Variants in HAPSTR1 observed in about 807,000 individuals in gnomAD.
HAPSTR1 encodes HUWE1-associated protein modifying stress responses 1.
At chr16:9,105,700 C>T in the HAPSTR1 span, 11 of 152,184 alleles carry the variant, frequency 7.2e-5, no homozygotes, top group Non-Finnish European at 1.5e-4. Context: ...ATATTATTTG[C>T]TTAGCCAAAT....
At chr16:9,097,173 C>T in the HAPSTR1 span, among the ~76,000 whole-genome samples, 1 of 151,782 alleles carries the variant, frequency 6.6e-6, no homozygotes, top group Non-Finnish European at 1.5e-5. Flanking sequence ...CTCCTGACCT[C>T]AGGTGATCCG....
chr16:9,095,807 G>GTGGT, the HAPSTR1 span, among the ~76,000 whole-genome samples: 1 of 152,192 alleles, frequency 6.6e-6, no homozygotes, highest in Non-Finnish European at 1.5e-5. Context: ...AATGGAGTGG[G>GTGGT]TGGTTACCTC....
the HAPSTR1 span, chr16:9,092,836 A>G: frequency 1.0e-5 from 14 of 1,367,562 alleles, no homozygotes; most frequent in East Asian, 2.5e-5. Context: ...TGACGCGCAA[A>G]TAACATTCTT....
At chr16:9,093,212 G>C in the HAPSTR1 span, among the ~76,000 whole-genome samples, 1 of 152,100 alleles carries the variant, frequency 6.6e-6, no homozygotes, top group South Asian at 2.1e-4. Flanking sequence ...GCAACGCCTG[G>C]GGACGTTTTT....
chr16:9,103,047 A>G, the HAPSTR1 span: 1 of 1,614,204 alleles, frequency 6.2e-7, no homozygotes, highest in Non-Finnish European at 8.5e-7. Context: ...CAGCGACGCA[A>G]TAAGGATGTG....
At chr16:9,113,603 T>G in the HAPSTR1 span, among the ~76,000 whole-genome samples, 3 of 152,346 alleles carry the variant, frequency 2.0e-5, no homozygotes, top group South Asian at 6.2e-4. Context: ...TTTGAAATGA[T>G]AAAGGGGATC....
At chr16:9,106,418 T>C in the HAPSTR1 span, 1 of 151,938 alleles carries the variant, frequency 6.6e-6, no homozygotes, top group Admixed American at 6.6e-5. Flanking sequence ...TAGCTGGGAT[T>C]GTAGGCGCCT....
the HAPSTR1 span, chr16:9,102,875 G>T: frequency 2.7e-6 from 3 of 1,106,754 alleles, no homozygotes; most frequent in Non-Finnish European, 3.9e-6. Context: ...GGGCTCAGAG[G>T]CCACATCATG....
chr16:9,116,346 CTG>C, the HAPSTR1 span, among the ~76,000 whole-genome samples: 2 of 152,182 alleles, frequency 1.3e-5, no homozygotes, highest in African/African-American at 2.4e-5. Context: ...CTGTCCTTAT[CTG>C]TAAATTTTGT....
chr16:9,091,976 C>T, the HAPSTR1 span: 1 of 1,296,844 alleles, frequency 7.7e-7, no homozygotes, highest in African/African-American at 1.6e-5. Flanking sequence ...GACGACGACG[C>T]TCCCGCGGGG....
chr16:9,113,962 G>A, the HAPSTR1 span, among the ~76,000 whole-genome samples: 1 of 152,172 alleles, frequency 6.6e-6, no homozygotes, highest in Admixed American at 6.5e-5. Flanking sequence ...TTCAACATGA[G>A]GGGGTAGGAC....
At chr16:9,118,687 A>G in the HAPSTR1 span, 1 of 152,378 alleles carries the variant, frequency 6.6e-6, no homozygotes, top group Non-Finnish European at 1.5e-5. Flanking sequence ...AATACTTTCA[A>G]GCTTCCCTTT....
the HAPSTR1 span, chr16:9,109,310 T>A: frequency 6.6e-6 from 1 of 151,894 alleles, no homozygotes; most frequent in Non-Finnish European, 1.5e-5. Flanking sequence ...GAGGGTTAGG[T>A]GAAAGGGTCC....
At chr16:9,108,553 G>GC in the HAPSTR1 span, 7 of 152,024 alleles carry the variant, frequency 4.6e-5, no homozygotes, top group South Asian at 6.2e-4. Context: ...CTACGACGTC[G>GC]CCCCCACTAA....
At chr16:9,104,114 CTTTTTTTTTTT>C in the HAPSTR1 span, 2 of 136,710 alleles carry the variant, frequency 1.5e-5, no homozygotes, top group African/African-American at 2.7e-5. Context: ...TCCTTTTTTT[CTTTTTTTTTTT>C]TTTTTGGAGA....
At chr16:9,098,068 C>T in the HAPSTR1 span, among the ~76,000 whole-genome samples, 13 of 152,186 alleles carry the variant, frequency 8.5e-5, no homozygotes, top group African/African-American at 2.9e-4. Context: ...CGGGGGCTCA[C>T]GCCTGTAATC....
the HAPSTR1 span, chr16:9,109,544 CA>C: frequency 1.3e-5 from 2 of 152,288 alleles, no homozygotes; most frequent in Middle Eastern, 3.4e-3. Flanking sequence ...GAGTTAACCC[CA>C]CTGGGCCTGA....
At chr16:9,106,583 C>T in the HAPSTR1 span, 1 of 151,522 alleles carries the variant, frequency 6.6e-6, no homozygotes, top group Non-Finnish European at 1.5e-5. Flanking sequence ...ACTGTGCTGG[C>T]CTCAAATAGT....
chr16:9,098,261 A>G, the HAPSTR1 span, among the ~76,000 whole-genome samples: 2 of 152,170 alleles, frequency 1.3e-5, no homozygotes, highest in Non-Finnish European at 2.9e-5. Context: ...TGAACCTGGG[A>G]GGCGGAGGTT....
Sources: allele counts gnomAD v4.1 joint callset (sites outside exome capture counted in the v4.1 genomes callset), GRCh38; gene constraint gnomAD v4.1.1; transcripts MANE v1.5; gene names NCBI Gene and HGNC (gene_info 2026-07-23, HGNC 2026-07-21).